Variants in FBXO11 observed in about 807,000 individuals in gnomAD.
FBXO11 encodes F-box protein 11.
FBXO11 carries 13 observed loss-of-function variants against 117.0 expected under a neutral mutation model. The observed-to-expected ratio is 0.11, with a 90% confidence interval of 0.07 to 0.18. FBXO11 has a LOEUF of 0.18. Among genes scored for constraint, FBXO11 ranks in the 10% least tolerant of loss-of-function variants. The pLI is 1.00. For missense variants in FBXO11, 767 were observed against 1,164.4 expected, an observed-to-expected ratio of 0.66 and a Z score of 4.97; for synonymous variants, 490 against 380.5, an observed-to-expected ratio of 1.29 and a Z score of -3.35.
intron 1 of FBXO11, among the ~76,000 whole-genome samples, chr2:47,872,263 A>G (rs1459437123): frequency 2.0e-5 from 3 of 152,186 alleles, no homozygotes; most frequent in Non-Finnish European, 4.4e-5. Context: ...TAGTCTGGGA[A>G]TTCCTGGCAG....
At chr2:47,828,582 C>T (rs1034292927) in intron 11 of FBXO11, among the ~76,000 whole-genome samples, 2 of 150,634 alleles carry the variant, frequency 1.3e-5, no homozygotes, top group African/African-American at 4.9e-5. Context: ...GCACTCCAGC[C>T]TGGGTGACAG....
chr2:47,855,391 A>G (rs538075474), intron 1 of FBXO11, among the ~76,000 whole-genome samples: 1 of 152,258 alleles, frequency 6.6e-6, no homozygotes, highest in South Asian at 2.1e-4. Context: ...CCATGTTCCC[A>G]GGCTTGTAGG....
At chr2:47,814,373 CTTTTTTTTTT>C (rs141660721) in intron 16 of FBXO11, 5 of 131,468 alleles carry the variant, frequency 3.8e-5, no homozygotes, top group South Asian at 2.4e-4. Flanking sequence ...TTCAGGGAGT[CTTTTTTTTTT>C]TTTTTTTTTA....
chr2:47,856,580 C>A (rs1222924215), intron 1 of FBXO11, among the ~76,000 whole-genome samples: 1 of 152,168 alleles, frequency 6.6e-6, no homozygotes, highest in Admixed American at 6.5e-5. Flanking sequence ...AAAAAAGAAT[C>A]CATCAAAACA....
At chr2:47,832,248 T>C (rs1672251682) in intron 11 of FBXO11, 101 bp downstream of exon 11, 1 of 987,620 alleles carries the variant, frequency 1.0e-6, no homozygotes, top group South Asian at 1.8e-5. Flanking sequence ...ACCTATACTC[T>C]TCAATTCAGA....
chr2:47,856,400 A>T (rs567360417), intron 1 of FBXO11, among the ~76,000 whole-genome samples: 61 of 152,248 alleles, frequency 4.0e-4, no homozygotes, highest in Non-Finnish European at 1.5e-4. Context: ...TATCTCAGGA[A>T]AGCAACAAAG....
intron 1 of FBXO11, among the ~76,000 whole-genome samples, chr2:47,857,999 C>T (rs1674445812): frequency 6.6e-6 from 1 of 151,966 alleles, no homozygotes; most frequent in African/African-American, 2.4e-5. Context: ...GATGAAATAT[C>T]GCATTAAAGA....
chr2:47,904,962 C>T (rs1678643417), intron 1 of FBXO11: 1 of 152,216 alleles, frequency 6.6e-6, no homozygotes, highest in African/African-American at 2.4e-5. Flanking sequence ...CCTGCCAACA[C>T]CACAGACCAC....
chr2:47,882,790 T>A (rs1676530338), intron 1 of FBXO11, among the ~76,000 whole-genome samples: 1 of 152,200 alleles, frequency 6.6e-6, no homozygotes, highest in African/African-American at 2.4e-5. Context: ...TAGCTGGGAC[T>A]ACAGACGTAA....
intron 1 of FBXO11, among the ~76,000 whole-genome samples, chr2:47,883,162 G>C (rs1163524650): frequency 6.6e-6 from 1 of 152,108 alleles, no homozygotes; most frequent in Non-Finnish European, 1.5e-5. Context: ...ACTAATGACT[G>C]TTCTTTGTGT....
At chr2:47,904,432 C>T (rs898277417) in intron 1 of FBXO11, among the ~76,000 whole-genome samples, 7 of 152,230 alleles carry the variant, frequency 4.6e-5, no homozygotes, top group African/African-American at 1.7e-4. Context: ...CCAAGTAGAA[C>T]TGAACATTAT....
intron 1 of FBXO11, among the ~76,000 whole-genome samples, chr2:47,898,456 T>C (rs1677842672): frequency 6.6e-6 from 1 of 152,238 alleles, no homozygotes; most frequent in South Asian, 2.1e-4. Flanking sequence ...ACGCACATTT[T>C]TCTCCTTCTG....
chr2:47,833,813 C>G (rs138972596), intron 7 of FBXO11, among the ~76,000 whole-genome samples: 196 of 152,110 alleles, frequency 1.3e-3, no homozygotes, highest in African/African-American at 4.7e-3. Context: ...TACAGGTGCA[C>G]ACCACCACAC....
chr2:47,809,280 A>G lies in FBXO11; in HGVS notation c.2447-14T>C, dbSNP rs376462156. The G allele has an allele frequency of 7.5e-6, 11 of 1,462,196 alleles. No homozygotes were observed. The East Asian group carries it at 2.5e-4, about 33-fold the overall frequency. 90.6% of individuals were successfully genotyped at this position (1,462,196 alleles called of 1,614,324 possible). ...TTATTTTGTTATCTGTAATAAAAGA[A>G]AGAATAAGTAAAAATTCAGAGGAAT... On this transcript the variant is annotated splice_polypyrimidine_tract_variant and intron_variant, in intron 20 of 22. Transcript: ENST00000403359.
At chr2:47,851,476 C>A (rs1004369890) in intron 1 of FBXO11, among the ~76,000 whole-genome samples, 1 of 152,170 alleles carries the variant, frequency 6.6e-6, no homozygotes, top group African/African-American at 2.4e-5. Flanking sequence ...CTCCACCCAC[C>A]TCAGCTTCCC....
intron 4 of FBXO11, 90 bp downstream of exon 4, chr2:47,838,769 C>CA: frequency 8.2e-7 from 1 of 1,216,226 alleles, no homozygotes; most frequent in Non-Finnish European, 1.2e-6. Flanking sequence ...TTGTAACTAC[C>CA]AACTCACCGC....
intron 1 of FBXO11, among the ~76,000 whole-genome samples, chr2:47,849,843 G>A (rs1467139458): frequency 2.0e-5 from 3 of 152,128 alleles, no homozygotes; most frequent in Non-Finnish European, 4.4e-5. Flanking sequence ...CCATATGTAT[G>A]GCTATACTAT....
intron 1 of FBXO11, among the ~76,000 whole-genome samples, chr2:47,867,113 C>T (rs1055913853): frequency 1.3e-5 from 2 of 152,166 alleles, no homozygotes; most frequent in Non-Finnish European, 2.9e-5. Flanking sequence ...GCTTTAATTA[C>T]TTAATTTCAT....
intron 1 of FBXO11, among the ~76,000 whole-genome samples, chr2:47,866,513 C>G (rs1250641732): frequency 6.7e-6 from 1 of 150,098 alleles, no homozygotes; most frequent in Non-Finnish European, 1.5e-5. Flanking sequence ...CTTGCTCTGT[C>G]GCCAGGCTGG....
Sources: gnomAD v4.1 joint callset for allele counts (sites outside exome capture counted in the v4.1 genomes callset) on GRCh38, gnomAD v4.1.1 for gene constraint, MANE v1.5 for transcripts, NCBI Gene and HGNC (gene_info 2026-07-23, HGNC 2026-07-21) for gene names.